The following WT1 variants were observed in gnomAD, a reference collection of about 807,000 sequenced individuals.
WT1 encodes Wilms tumor protein.
WT1 carries 8 observed loss-of-function variants against 60.8 expected under a neutral mutation model. That is an observed-to-expected ratio of 0.13 (90% CI 0.08 to 0.24). The LOEUF (loss-of-function observed/expected upper bound fraction) is 0.24. Among genes scored for constraint, WT1 ranks in the 10% least tolerant of loss-of-function variants. The pLI is 1.00. For missense variants in WT1, 568 were observed against 711.8 expected (o/e 0.80, Z 2.30); for synonymous variants, 312 against 297.1 (o/e 1.05, Z -0.52).
At chr11:32,399,819 T>G in intron 6 of WT1, 129 bp downstream of exon 6, 1 of 980,346 alleles carries the variant, frequency 1.0e-6, no homozygotes, top group Non-Finnish European at 1.6e-6. Flanking sequence ...GTGTCCCTGA[T>G]GTTAAAGGAG....
At chr11:32,407,951 G>A (rs1456687901) in intron 5 of WT1, among the ~76,000 whole-genome samples, 2 of 152,020 alleles carry the variant, frequency 1.3e-5, no homozygotes, top group African/African-American at 2.4e-5. Flanking sequence ...GGCCAGGCGC[G>A]GTGGATCATG....
chr11:32,396,927 GGAA>G (rs1168385551), intron 6 of WT1, among the ~76,000 whole-genome samples: 3 of 152,214 alleles, frequency 2.0e-5, no homozygotes, highest in East Asian at 3.9e-4. Flanking sequence ...TAAATAACAA[GGAA>G]GAAGAAGCCC....
intron 7 of WT1, among the ~76,000 whole-genome samples, chr11:32,393,264 C>T (rs1243000758): frequency 6.6e-6 from 1 of 152,222 alleles, no homozygotes; most frequent in Non-Finnish European, 1.5e-5. Flanking sequence ...ACTCCTTGTT[C>T]TTGCATCAAG....
intron 5 of WT1, 35 bp downstream of exon 5, chr11:32,416,455 C>A: frequency 1.9e-6 from 3 of 1,613,928 alleles, no homozygotes; most frequent in South Asian, 1.1e-5. Flanking sequence ...AAGGCCTACG[C>A]CATTTGCTTT....
intron 5 of WT1, chr11:32,400,419 T>G (rs1852120292): frequency 8.1e-6 from 3 of 371,268 alleles, no homozygotes; most frequent in South Asian, 6.6e-5. Context: ...TGCCTCAAGC[T>G]TCACGTTAAG....
intron 5 of WT1, among the ~76,000 whole-genome samples, chr11:32,412,332 C>A (rs1333336698): frequency 6.6e-6 from 1 of 152,124 alleles, no homozygotes; most frequent in Non-Finnish European, 1.5e-5. Context: ...ACTGTGTGTT[C>A]CCAACAGCCT....
chr11:32,417,406 A>T, intron 4 of WT1, 171 bp downstream of exon 4: 1 of 639,468 alleles, frequency 1.6e-6, no homozygotes, highest in Non-Finnish European at 2.8e-6. Flanking sequence ...TGAAAATTTA[A>T]TACTGAACAC....
At chr11:32,394,973 T>C (rs1297143053) in intron 7 of WT1, among the ~76,000 whole-genome samples, 1 of 152,266 alleles carries the variant, frequency 6.6e-6, no homozygotes, top group Non-Finnish European at 1.5e-5. Context: ...ACAGTCACTT[T>C]TCAAATGATC....
intron 1 of WT1, 82 bp from the exon 2 acceptor site, chr11:32,428,701 G>GT: frequency 1.3e-6 from 2 of 1,556,852 alleles, no homozygotes; most frequent in African/African-American, 2.7e-5. Flanking sequence ...CCACGGGCGG[G>GT]GGGGGTGTGC....
chr11:32,389,694 T>A (rs5030310), intron 9 of WT1, among the ~76,000 whole-genome samples: 21,043 of 152,034 alleles, frequency 0.14, 2,615 homozygotes, highest in East Asian at 0.66. Flanking sequence ...GGCTGGATAC[T>A]TTAAAATAAA....
Position 32,435,277 on chromosome 11 carries a change from C to T in WT1, c.84G>A (p.Gly28=), listed in dbSNP as rs1270194946. 1 of 1,534,464 alleles carries T rather than the reference C, an allele frequency of 6.5e-7. No individual in the cohort carries two copies. The highest frequency in any genetic ancestry group is 1.2e-5 in the South Asian group (1 of 84,012). Residue 28 remains glycine (G), a synonymous_variant, in exon 1 of 10, where the codon GGG becomes GGA. Coordinates refer to ENST00000452863, the MANE Select transcript of WT1 (RefSeq NM_024426.6). ...CCTGCTGCTCTGGCTGCTGTAGGCA[C>T]CCAGGCCCGGAGCGGAGCGTGTGCT...
At chr11:32,389,213 A>T (rs1249475714) in intron 9 of WT1, 34 bp from the exon 10 acceptor site, 2 of 1,613,784 alleles carry the variant, frequency 1.2e-6, no homozygotes, top group Non-Finnish European at 1.7e-6. Flanking sequence ...AGACACTTGC[A>T]ACAAAGAGAC....
At chr11:32,416,432 G>A (rs1270805564) in intron 5 of WT1, 58 bp downstream of exon 5, 3 of 1,610,006 alleles carry the variant, frequency 1.9e-6, no homozygotes, top group Non-Finnish European at 2.5e-6. Context: ...CATTGCCCCA[G>A]GTGCCAGTCA....
chr11:32,414,436 C>T (rs959389504), intron 5 of WT1, among the ~76,000 whole-genome samples: 15 of 152,238 alleles, frequency 9.9e-5, no homozygotes, highest in African/African-American at 3.6e-4. Flanking sequence ...CCACGTCTGG[C>T]TAATTTTTTT....
intron 7 of WT1, among the ~76,000 whole-genome samples, 159 bp from the exon 8 acceptor site, chr11:32,392,914 G>C (rs1002192725): frequency 4.6e-5 from 7 of 151,292 alleles, no homozygotes; most frequent in Admixed American, 1.3e-4. Flanking sequence ...AGTTACAAAT[G>C]AATGGGAGCT....
intron 6 of WT1, among the ~76,000 whole-genome samples, chr11:32,396,940 C>A (rs1389475380): frequency 6.6e-6 from 1 of 152,166 alleles, no homozygotes; most frequent in Non-Finnish European, 1.5e-5. Flanking sequence ...AGAAGAAGCC[C>A]CTGGATTTGG....
chr11:32,420,812 C>T (rs989594144), intron 3 of WT1, among the ~76,000 whole-genome samples: 1 of 152,182 alleles, frequency 6.6e-6, no homozygotes, highest in African/African-American at 2.4e-5. Flanking sequence ...TCCTCTTCAG[C>T]TCACTAAGGG....
intron 7 of WT1, among the ~76,000 whole-genome samples, chr11:32,393,861 G>A (rs919937968): frequency 2.0e-5 from 3 of 152,134 alleles, no homozygotes; most frequent in African/African-American, 7.2e-5. Context: ...ATTCTTCAAT[G>A]GGTTGGAAAA....
At chr11:32,411,789 T>C (rs893148448) in intron 5 of WT1, among the ~76,000 whole-genome samples, 1 of 152,120 alleles carries the variant, frequency 6.6e-6, no homozygotes, top group Middle Eastern at 3.4e-3. Flanking sequence ...AAGTCACGAG[T>C]CTCCATCTTT....
Sources: allele counts gnomAD v4.1 joint callset (sites outside exome capture counted in the v4.1 genomes callset), GRCh38; gene constraint gnomAD v4.1.1; transcripts MANE v1.5; gene names NCBI Gene and HGNC (gene_info 2026-07-23, HGNC 2026-07-21).